The following ST3GAL4 variants were observed in gnomAD, a reference collection of about 807,000 sequenced individuals.
ST3GAL4 encodes the protein CMP-N-acetylneuraminate-beta-galactosamide-alpha-2,3-sialyltransferase 4.
Under a neutral mutation model 42.6 loss-of-function variants are expected in ST3GAL4, and 24 were observed. That is an observed-to-expected ratio of 0.56 (90% confidence interval 0.41 to 0.79). The LOEUF (loss-of-function observed/expected upper bound fraction) is 0.79. Among genes scored for constraint, ST3GAL4 ranks in the 30% least tolerant of loss-of-function variants. The pLI is 0.00. For synonymous variants in ST3GAL4, 135 were observed against 163.2 expected (o/e 0.83, Z 1.32); for missense variants, 311 against 430.8 (o/e 0.72, Z 2.46).
At chr11:126,388,038 AG>A (rs1431829542) in intron 1 of ST3GAL4, among the ~76,000 whole-genome samples, 1 of 152,230 alleles carries the variant, frequency 6.6e-6, no homozygotes, top group Admixed American at 6.5e-5. Context: ...CTTAACCCCT[AG>A]AAAAAGTGCT....
intron 1 of ST3GAL4, among the ~76,000 whole-genome samples, chr11:126,367,279 A>C (rs1952465260): frequency 6.6e-6 from 1 of 152,172 alleles, no homozygotes; most frequent in Non-Finnish European, 1.5e-5. Context: ...ACACCCCAGC[A>C]GCGTCTCCTG....
intron 1 of ST3GAL4, among the ~76,000 whole-genome samples, chr11:126,368,304 C>G (rs779963791): frequency 2.0e-5 from 3 of 152,180 alleles, no homozygotes; most frequent in Non-Finnish European, 4.4e-5. Flanking sequence ...CAGTGACCAG[C>G]CTGGCCAATA....
chr11:126,387,182 T>G (rs1490117117), intron 1 of ST3GAL4, among the ~76,000 whole-genome samples: 1 of 152,242 alleles, frequency 6.6e-6, no homozygotes, highest in African/African-American at 2.4e-5. Flanking sequence ...TGTCTGCTCA[T>G]ACAACTTCCC....
In ST3GAL4 at chr11:126,379,578, A is replaced by G. The variant is rs1038722704; in HGVS notation, c.-61+23736A>G. 6.6e-6 allele frequency among the ~76,000 whole-genome samples: 1 copy of G among 152,148 alleles called. No homozygotes were observed. The highest frequency in any genetic ancestry group is 2.4e-5 in the African/African-American group (1 of 41,432). On this transcript the variant is annotated intron_variant, in intron 1 of 10. Coordinates refer to ENST00000444328, the MANE Select transcript of ST3GAL4 (RefSeq NM_001254757.2). This position sits in a 1 kb window ranked among gnomAD's most constrained non-coding sequence, Gnocchi z 4.2. Reference sequence around the variant, plus strand: ...CTGCAACCTCCACCTCCCGGGTTCAAGTAATTCTCCTGCCTCATCCTCCTG... The same window carrying G: ...CTGCAACCTCCACCTCCCGGGTTCAGGTAATTCTCCTGCCTCATCCTCCTG...
chr11:126,388,679 T>TTTTTTTTTTTCC (rs1239186575), intron 1 of ST3GAL4, among the ~76,000 whole-genome samples: 1 of 122,642 alleles, frequency 8.2e-6, no homozygotes, highest in African/African-American at 3.5e-5. Context: ...TTTTTTTTTT[T>TTTTTTTTTTTCC]TTCTGATTTA....
At position 126,400,262 on chromosome 11, in the gene ST3GAL4, G is replaced by T. The variant is rs972955256; in HGVS notation, c.-60-5834G>T. Among the ~76,000 whole-genome samples the T allele has an allele frequency of 6.6e-6, 1 of 152,222 alleles. No homozygotes were observed. The highest frequency in any genetic ancestry group is 2.4e-5 in the African/African-American group (1 of 41,456). ...CTGCATCATCCCATGGTGGAGAGTG[G>T]AATGGCAAGACAGATCAAGAGGGGA... is the stretch of plus-strand genomic sequence containing the variant. On this transcript the variant is annotated intron_variant, in intron 1 of 10. Coordinates refer to ENST00000444328, the MANE Select transcript of ST3GAL4 (RefSeq NM_001254757.2). This position sits in a 1 kb window ranked among gnomAD's most constrained non-coding sequence, Gnocchi z 4.6.
chr11:126,357,708 T>G (rs972090993), intron 1 of ST3GAL4, among the ~76,000 whole-genome samples: 5 of 152,202 alleles, frequency 3.3e-5, no homozygotes, highest in Admixed American at 2.0e-4. Context: ...AAACCCCCTT[T>G]CTGTGCTCCA....
In ST3GAL4 at chr11:126,396,593, C is replaced by T. The variant is rs1192545825; in HGVS notation, c.-60-9503C>T. ...GCTCGACAGGCTCTTCGTCACTGTG[C>T]GGAGCCTTCGAAGGACTTGGATGTG... On this transcript the variant is annotated intron_variant, in intron 1 of 10. Coordinates refer to ENST00000444328, the MANE Select transcript of ST3GAL4 (RefSeq NM_001254757.2). The surrounding 1 kb of genome is among the most constrained non-coding windows in gnomAD (Gnocchi z 5.8). 6.6e-6 allele frequency among the ~76,000 whole-genome samples: 1 copy of T among 151,792 alleles called. No homozygotes were observed. The highest frequency in any genetic ancestry group is 1.5e-5 in the Non-Finnish European group (1 of 68,008).
At chr11:126,375,694 T>G (rs1952810981) in intron 1 of ST3GAL4, among the ~76,000 whole-genome samples, 3 of 152,140 alleles carry the variant, frequency 2.0e-5, no homozygotes, top group Admixed American at 6.6e-5. Context: ...TTTGGAAATG[T>G]CTGGAAACAT....
At chr11:126,402,375 G>A (rs1954042600) in intron 1 of ST3GAL4, among the ~76,000 whole-genome samples, 1 of 149,996 alleles carries the variant, frequency 6.7e-6, no homozygotes, top group Non-Finnish European at 1.5e-5. Flanking sequence ...AGAATCATTT[G>A]AACCTGGGAG....
rs556125179 is a variant in ST3GAL4, at chr11:126,373,574, A to G, written c.-61+17732A>G. Reference sequence around the variant, plus strand: ...GATAAACGGGTGATACAGTGTTTCTATACAGGAGTCTGCAGTGCCAGGCTG... The same window carrying G: ...GATAAACGGGTGATACAGTGTTTCTGTACAGGAGTCTGCAGTGCCAGGCTG... On this transcript the variant is annotated intron_variant, in intron 1 of 10. Transcript: ENST00000444328. This position sits in a 1 kb window ranked among gnomAD's most constrained non-coding sequence, Gnocchi z 5.5. Among the ~76,000 whole-genome samples, 8 of 152,216 alleles carry G rather than the reference A, an allele frequency of 5.3e-5. No individual in the cohort carries two copies. Among genetic ancestry groups the G allele is most frequent in the East Asian group, 1.9e-4 (1 of 5,170 alleles).
Position 126,355,894 on chromosome 11 carries a change from G to T in ST3GAL4, c.-61+52G>T, listed in dbSNP as rs1952042678. The T allele has an allele frequency of 6.7e-6, 1 of 149,118 alleles. No individual in the cohort carries two copies. The highest frequency in any genetic ancestry group is 1.5e-5 in the Non-Finnish European group (1 of 66,808). The allele number at this position is 149,118 out of a possible 1,614,324, so 9.2% of individuals were successfully genotyped here. A position where few individuals can be genotyped will look rare whatever the true frequency, so the allele number is the denominator to read the frequency against. On this transcript the variant is annotated intron_variant, in intron 1 of 10. Transcript: ENST00000444328. The surrounding 1 kb of genome is among the most constrained non-coding windows in gnomAD (Gnocchi z 7.1). ...GGCCCGCGGGGCGGGGCGGGGCGGGGAGCCGCGGGGTCCTCGGCCGCCTGA... is the reference window on the plus strand; with the variant it reads ...GGCCCGCGGGGCGGGGCGGGGCGGGTAGCCGCGGGGTCCTCGGCCGCCTGA...
Position 126,366,384 on chromosome 11 carries a change from A to T in ST3GAL4, c.-61+10542A>T, listed in dbSNP as rs1591418990. ...GCGTGCAGAGAGGAGGAGGACTGAG[A>T]GCTGGGTGTGTGTGTGCGCATGCCT... On this transcript the variant is annotated intron_variant, in intron 1 of 10. Coordinates refer to ENST00000444328, the MANE Select transcript of ST3GAL4 (RefSeq NM_001254757.2). The surrounding 1 kb of genome is among the most constrained non-coding windows in gnomAD (Gnocchi z 4.2). Among the ~76,000 whole-genome samples, 1 of 151,752 alleles carries T rather than the reference A, an allele frequency of 6.6e-6. No individual in the cohort carries two copies. The highest frequency in any genetic ancestry group is 1.5e-5 in the Non-Finnish European group (1 of 67,972).
chr11:126,375,471 G>A (rs1435883852), intron 1 of ST3GAL4, among the ~76,000 whole-genome samples: 2 of 152,122 alleles, frequency 1.3e-5, no homozygotes, highest in African/African-American at 2.4e-5. Context: ...TTTAGAAGCC[G>A]TAGGATGTGG....
At position 126,400,401 on chromosome 11, in the gene ST3GAL4, A is replaced by C. The variant is rs1460328308; in HGVS notation, c.-60-5695A>C. ...TATTAGGCCCTGCTTATACTGTTGC[A>C]CTGGGGATCAAGTTGCAGCACTTGG... is the stretch of plus-strand genomic sequence containing the variant. On this transcript the variant is annotated intron_variant, in intron 1 of 10. Coordinates refer to ENST00000444328, the MANE Select transcript of ST3GAL4 (RefSeq NM_001254757.2). The surrounding 1 kb of genome is among the most constrained non-coding windows in gnomAD (Gnocchi z 4.6). Among the ~76,000 whole-genome samples, 1 of 152,226 alleles carries C rather than the reference A, an allele frequency of 6.6e-6. No individual in the cohort carries two copies. The highest frequency in any genetic ancestry group is 1.5e-5 in the Non-Finnish European group (1 of 68,036).
Position 126,358,097 on chromosome 11 carries a change from T to C in ST3GAL4, c.-61+2255T>C, listed in dbSNP as rs1384830752. ...AGCCGCTAGAGCCTAGCCCAGCTCC[T>C]GGCCCCTCGGAGATGGACCTTAGAT... On this transcript the variant is annotated intron_variant, in intron 1 of 10. Transcript: ENST00000444328. Among the ~76,000 whole-genome samples the C allele has an allele frequency of 2.6e-5, 4 of 152,232 alleles. No homozygotes were observed. In the South Asian group the frequency reaches 8.3e-4, roughly 31 times the overall value.
chr11:126,389,759 A>T (rs1453238452), intron 1 of ST3GAL4, among the ~76,000 whole-genome samples: 1 of 151,918 alleles, frequency 6.6e-6, no homozygotes, highest in Non-Finnish European at 1.5e-5. Context: ...TTATTTTTTT[A>T]TTTTTTAAAT....
chr11:126,393,939 CT>C lies in ST3GAL4; in HGVS notation c.-60-12150del, dbSNP rs1460404590. Among the ~76,000 whole-genome samples, 1 of 152,168 alleles carries C rather than the reference CT, an allele frequency of 6.6e-6. No homozygotes were observed. Among genetic ancestry groups the C allele is most frequent in the African/African-American group, 2.4e-5 (1 of 41,440 alleles). ...AAAATAATGAAGGTGATATTTTATT[CT>C]TTTTTTGGGGTACTAAATCTTTGAA... On this transcript the variant is annotated intron_variant, in intron 1 of 10. Coordinates refer to ENST00000444328, the MANE Select transcript of ST3GAL4 (RefSeq NM_001254757.2). The surrounding 1 kb of genome is among the most constrained non-coding windows in gnomAD (Gnocchi z 5.9).
At position 126,383,105 on chromosome 11, in the gene ST3GAL4, C is replaced by T. The variant is rs1301369206; in HGVS notation, c.-60-22991C>T. Among the ~76,000 whole-genome samples, 10 of 152,202 alleles carry T rather than the reference C, an allele frequency of 6.6e-5. No individual in the cohort carries two copies. The highest frequency in any genetic ancestry group is 1.3e-4 in the Admixed American group (2 of 15,284). On this transcript the variant is annotated intron_variant, in intron 1 of 10. Transcript: ENST00000444328. The surrounding 1 kb of genome is among the most constrained non-coding windows in gnomAD (Gnocchi z 4.5). ...GGGGCAGCAGGCTCTGCAGTACCCT[C>T]GGCCAAATGGCCACAGGCTGCCCTG... is the stretch of plus-strand genomic sequence containing the variant.
Sources: allele counts gnomAD v4.1 joint callset (sites outside exome capture counted in the v4.1 genomes callset), GRCh38; gene constraint gnomAD v4.1.1; non-coding constraint Gnocchi (gnomAD v3.1); transcripts MANE v1.5; gene names NCBI Gene and HGNC (gene_info 2026-07-23, HGNC 2026-07-21).